The following FAM193A variants were observed in gnomAD, a reference collection of about 807,000 sequenced individuals.
FAM193A encodes the protein family with sequence similarity 193 member A.
A neutral mutation model predicts 126.5 loss-of-function variants in FAM193A; 22 were observed. That is an observed-to-expected ratio of 0.17 (90% CI 0.12 to 0.25). The LOEUF is 0.25. FAM193A is among the 10% of genes least tolerant of loss of function. FAM193A has a pLI of 1.00. For missense variants in FAM193A, 1,675 were observed against 1,672.8 expected (o/e 1.00, Z -0.02); for synonymous variants, 761 against 646.8 (o/e 1.18, Z -2.68).
At chr4:2,544,293 C>A (rs1560430936) in intron 1 of FAM193A, among the ~76,000 whole-genome samples, 1 of 152,172 alleles carries the variant, frequency 6.6e-6, no homozygotes, top group African/African-American at 2.4e-5. Flanking sequence ...GGCACAGTGG[C>A]CCATAGCCAT....
chr4:2,602,561 C>T (rs1484704579), intron 2 of FAM193A, among the ~76,000 whole-genome samples: 1 of 152,132 alleles, frequency 6.6e-6, no homozygotes, highest in Non-Finnish European at 1.5e-5. Flanking sequence ...CCATGTTGGC[C>T]AGGCTGTTCT....
chr4:2,689,221 A>G (rs1229330252), intron 13 of FAM193A, among the ~76,000 whole-genome samples: 1 of 152,230 alleles, frequency 6.6e-6, no homozygotes, highest in Non-Finnish European at 1.5e-5. Flanking sequence ...CATGTGACCC[A>G]GTAGGAATGT....
intron 3 of FAM193A, among the ~76,000 whole-genome samples, chr4:2,625,876 A>G (rs1018217004): frequency 1.3e-5 from 2 of 151,866 alleles, no homozygotes. Flanking sequence ...GGCGCGCACC[A>G]CCATGTCGGG....
At chr4:2,568,123 C>T (rs1472876243) in intron 1 of FAM193A, among the ~76,000 whole-genome samples, 1 of 152,150 alleles carries the variant, frequency 6.6e-6, no homozygotes, top group Non-Finnish European at 1.5e-5. Flanking sequence ...GCAGCAACTT[C>T]TCTAGTGATA....
At chr4:2,703,367 C>T (rs559535322) in intron 19 of FAM193A, among the ~76,000 whole-genome samples, 1 of 152,186 alleles carries the variant, frequency 6.6e-6, no homozygotes. Flanking sequence ...CCACCTCAGC[C>T]TCCCAAGTAG....
rs1719499751 is a variant in FAM193A at position 2,716,083 on chromosome 4, G to A, written c.4433G>A (p.Arg1478Lys). 2.5e-6 allele frequency: 4 copies of A among 1,603,708 alleles called. No individual in the cohort carries two copies. Among genetic ancestry groups the A allele is most frequent in the Non-Finnish European group, 2.6e-6 (3 of 1,170,484 alleles). The change falls in exon 20 of 21, where the codon AGG (arginine) becomes AAG (lysine). Residue 1478 changes from arginine to lysine, a missense_variant. Coordinates refer to ENST00000637812, the MANE Select transcript of FAM193A (RefSeq NM_001366318.2). Reference sequence around the variant, plus strand: ...AGTGTGGATATGGATGAGACAGAGAGGGAAGTGGAATATTTCAAAAGGTAA... The same window carrying A: ...AGTGTGGATATGGATGAGACAGAGAAGGAAGTGGAATATTTCAAAAGGTAA... ...LDSVDMDETE[R>K]EVEYFKRFCL... is the part of the protein sequence containing the mutation.
intron 19 of FAM193A, among the ~76,000 whole-genome samples, chr4:2,703,282 T>C (rs956382520): frequency 6.6e-6 from 1 of 152,196 alleles, no homozygotes; most frequent in Non-Finnish European, 1.5e-5. Context: ...AGTCTCACTC[T>C]GTCATCTAGG....
At chr4:2,609,514 A>G (rs1386350655) in intron 2 of FAM193A, among the ~76,000 whole-genome samples, 1 of 152,184 alleles carries the variant, frequency 6.6e-6, no homozygotes, top group Non-Finnish European at 1.5e-5. Context: ...CTCATATATC[A>G]TATTATTAAA....
chr4:2,721,838 A>G (rs761073950), intron 20 of FAM193A, among the ~76,000 whole-genome samples: 12 of 152,226 alleles, frequency 7.9e-5, no homozygotes, highest in African/African-American at 2.7e-4. Context: ...GGGCGGGGCA[A>G]ACGTGAGGCA....
chr4:2,668,558 C>CT (rs1713408544), intron 12 of FAM193A, among the ~76,000 whole-genome samples: 1 of 152,164 alleles, frequency 6.6e-6, no homozygotes, highest in African/African-American at 2.4e-5. Context: ...TTACTACTGA[C>CT]TTAATTCCAG....
At chr4:2,621,966 T>C (rs748669622) in intron 2 of FAM193A, among the ~76,000 whole-genome samples, 13 of 152,066 alleles carry the variant, frequency 8.5e-5, no homozygotes, top group Non-Finnish European at 1.6e-4. Context: ...CATAAAAACC[T>C]AAATGTGGCT....
intron 6 of FAM193A, among the ~76,000 whole-genome samples, chr4:2,641,616 C>T (rs1156397600): frequency 1.3e-5 from 2 of 152,072 alleles, no homozygotes; most frequent in Admixed American, 1.3e-4. Flanking sequence ...AATCGTGCCA[C>T]TGCACTCCAT....
At chr4:2,604,553 G>T (rs575146175) in intron 2 of FAM193A, among the ~76,000 whole-genome samples, 1 of 152,084 alleles carries the variant, frequency 6.6e-6, no homozygotes, top group Non-Finnish European at 1.5e-5. Context: ...AAGTCTTGGC[G>T]TATCATTCCT....
intron 1 of FAM193A, among the ~76,000 whole-genome samples, chr4:2,584,461 T>G (rs1740122647): frequency 5.3e-5 from 8 of 150,522 alleles, no homozygotes. Context: ...CTAAAGAATA[T>G]TTCTTACTGT....
intron 1 of FAM193A, among the ~76,000 whole-genome samples, chr4:2,594,312 T>G (rs1740728489): frequency 6.6e-6 from 1 of 152,128 alleles, no homozygotes; most frequent in South Asian, 2.1e-4. Flanking sequence ...GGCCAATCCG[T>G]TATGTACAGT....
intron 1 of FAM193A, among the ~76,000 whole-genome samples, chr4:2,553,876 T>A (rs893239458): frequency 1.3e-5 from 2 of 152,072 alleles, no homozygotes; most frequent in Non-Finnish European, 2.9e-5. Context: ...GAGTGGGAGT[T>A]TCCCTGGGCA....
At chr4:2,578,212 G>A (rs560635498) in intron 1 of FAM193A, among the ~76,000 whole-genome samples, 4 of 152,070 alleles carry the variant, frequency 2.6e-5, no homozygotes, top group Admixed American at 2.0e-4. Flanking sequence ...GACCACAGGC[G>A]CATGCCACCC....
In FAM193A at chr4:2,659,797, T is replaced by G; in HGVS notation, c.1503-15T>G. ...GCATTGGTTGGCTTGGTAACTGTCC[T>G]TAATTCCTGATCAGATGTGCTTGCG... On this transcript the variant is annotated splice_polypyrimidine_tract_variant and intron_variant, in intron 9 of 20. Coordinates refer to ENST00000637812, the MANE Select transcript of FAM193A (RefSeq NM_001366318.2). The G allele has an allele frequency of 6.2e-7, 1 of 1,614,148 alleles. No homozygotes were observed. Among genetic ancestry groups the G allele is most frequent in the Non-Finnish European group, 8.5e-7 (1 of 1,180,030 alleles).
At chr4:2,628,758 C>T (rs1410926927) in intron 4 of FAM193A, among the ~76,000 whole-genome samples, 1 of 152,166 alleles carries the variant, frequency 6.6e-6, no homozygotes, top group East Asian at 1.9e-4. Flanking sequence ...TTTAGAGTAG[C>T]AGCCAGTGTG....
Sources: gnomAD v4.1 joint callset for allele counts (sites outside exome capture counted in the v4.1 genomes callset) on GRCh38, gnomAD v4.1.1 for gene constraint, MANE v1.5 for transcripts, NCBI Gene and HGNC (gene_info 2026-07-23, HGNC 2026-07-21) for gene names.